Variants in PHTF2 observed in about 807,000 individuals in gnomAD.
PHTF2 encodes protein PHTF2.
PHTF2 carries 60 observed loss-of-function variants against 101.2 expected under a neutral mutation model. That is an observed-to-expected ratio of 0.59 (90% CI 0.48 to 0.73). The LOEUF (loss-of-function observed/expected upper bound fraction) is 0.73. Ranked by LOEUF, PHTF2 falls within the 30% of genes least tolerant of loss-of-function variation. PHTF2 has a pLI of 0.00. For missense variants in PHTF2, 747 were observed against 908.7 expected (o/e 0.82, Z 2.29); for synonymous variants, 311 against 307.3 (o/e 1.01, Z -0.13).
intron 1 of PHTF2, among the ~76,000 whole-genome samples, chr7:77,836,736 C>A (rs777965582): frequency 6.6e-6 from 1 of 151,492 alleles, no homozygotes; most frequent in Admixed American, 6.6e-5. Flanking sequence ...CCAAATGCTG[C>A]ATGTTCTCAC....
intron 2 of PHTF2, among the ~76,000 whole-genome samples, chr7:77,844,859 A>C (rs1045748570): frequency 6.6e-6 from 1 of 152,230 alleles, no homozygotes; most frequent in African/African-American, 2.4e-5. Flanking sequence ...TTATTTTGAC[A>C]TTTTAAAAGT....
At chr7:77,821,331 G>A (rs765207359) in intron 1 of PHTF2, among the ~76,000 whole-genome samples, 6 of 152,114 alleles carry the variant, frequency 3.9e-5, no homozygotes, top group Non-Finnish European at 8.8e-5. Context: ...TTTGGGTTGC[G>A]TCTATTTGAG....
Position 77,942,703 on chromosome 7 carries a change from C to T in PHTF2, c.1876C>T (p.Arg626Ter). Residue 626 changes from arginine (R) to a stop codon, truncating the protein, a stop_gained, in exon 16 of 20, where the codon CGA becomes TGA. Transcript: ENST00000416283. LOFTEE classifies it high-confidence loss of function. ...CCCTTCCACCCACACCCTGCAGCGTCGAGGTCCTCAGCGATCAGTTGATGT... is the reference window on the plus strand; with the variant it reads ...CCCTTCCACCCACACCCTGCAGCGTTGAGGTCCTCAGCGATCAGTTGATGT... The T allele has an allele frequency of 1.3e-6, 2 of 1,579,712 alleles. No homozygotes were observed. Among genetic ancestry groups the T allele is most frequent in the East Asian group, 2.3e-5 (1 of 44,334 alleles).
chr7:77,946,493 T>G (rs151301144), intron 16 of PHTF2, among the ~76,000 whole-genome samples: 1 of 152,084 alleles, frequency 6.6e-6, no homozygotes, highest in Non-Finnish European at 1.5e-5. Context: ...ATATGATTGT[T>G]TATATAGAAT....
At chr7:77,851,622 CAG>C (rs1796771645) in intron 2 of PHTF2, among the ~76,000 whole-genome samples, 1 of 141,286 alleles carries the variant, frequency 7.1e-6, no homozygotes, top group Non-Finnish European at 1.5e-5. Context: ...TTTTTGGAGA[CAG>C]ATCTCACTGT....
At chr7:77,846,895 A>G (rs1319473216) in intron 2 of PHTF2, among the ~76,000 whole-genome samples, 1 of 152,042 alleles carries the variant, frequency 6.6e-6, no homozygotes, top group Non-Finnish European at 1.5e-5. Context: ...CTTTTGCCTC[A>G]GCCTCCCAAA....
rs148730963 is a variant in PHTF2 at position 77,888,370 on chromosome 7, C to T, written c.148-5238C>T. ...ACCTCAAGTGATCTACCCACCTCTGCATCCCAAAGTGCTGGGATTACGGGC... is the reference window on the plus strand; with the variant it reads ...ACCTCAAGTGATCTACCCACCTCTGTATCCCAAAGTGCTGGGATTACGGGC... On this transcript the variant is annotated intron_variant, in intron 3 of 19. Coordinates refer to ENST00000416283, the Ensembl canonical transcript of PHTF2. Among the ~76,000 whole-genome samples, 10 of 152,322 alleles carry T rather than the reference C, an allele frequency of 6.6e-5. No homozygotes were observed. The East Asian group carries it at 1.9e-3, about 29-fold the overall frequency.
intron 3 of PHTF2, among the ~76,000 whole-genome samples, chr7:77,872,011 A>G (rs776332113): frequency 2.0e-5 from 3 of 152,200 alleles, no homozygotes; most frequent in Non-Finnish European, 2.9e-5. Flanking sequence ...GGTTCAATAT[A>G]ATCAATCTGC....
intron 2 of PHTF2, 36 bp downstream of exon 2, chr7:77,840,336 G>A: frequency 7.3e-7 from 1 of 1,365,222 alleles, no homozygotes; most frequent in Non-Finnish European, 1.0e-6. Flanking sequence ...CTTTCTAAAT[G>A]TTTGAATTTC....
At chr7:77,853,381 A>G (rs1029767090) in intron 2 of PHTF2, among the ~76,000 whole-genome samples, 3 of 149,074 alleles carry the variant, frequency 2.0e-5, no homozygotes, top group African/African-American at 4.9e-5. Context: ...ATGTCAGTTG[A>G]ATTTTTCAGC....
intron 1 of PHTF2, 126 bp from the exon 2 acceptor site, chr7:77,840,095 G>A: frequency 4.2e-6 from 2 of 470,722 alleles, no homozygotes; most frequent in Non-Finnish European, 7.7e-6. Context: ...GAGGAAGAGT[G>A]TAATATAAGT....
chr7:77,901,881 G>A (rs1403949847), exon 7 of PHTF2: 6 of 1,599,382 alleles, frequency 3.8e-6, no homozygotes, highest in Admixed American at 3.4e-5. Flanking sequence ...AACATCAAAG[G>A]TCATCTTTTT....
At chr7:77,829,939 G>A (rs1042564861) in intron 1 of PHTF2, among the ~76,000 whole-genome samples, 3 of 152,154 alleles carry the variant, frequency 2.0e-5, no homozygotes, top group African/African-American at 7.2e-5. Flanking sequence ...TTATGAAAAA[G>A]TATGTTTGTT....
intron 1 of PHTF2, among the ~76,000 whole-genome samples, chr7:77,827,615 G>A (rs754543561): frequency 6.6e-6 from 1 of 152,068 alleles, no homozygotes; most frequent in Non-Finnish European, 1.5e-5. Context: ...GACTCCCAGA[G>A]TGCTGGGATT....
chr7:77,836,820 G>GT (rs1795510159), intron 1 of PHTF2, among the ~76,000 whole-genome samples: 1 of 151,808 alleles, frequency 6.6e-6, no homozygotes, highest in Admixed American at 6.6e-5. Flanking sequence ...GCCGGTCGGG[G>GT]TGGGGGGCTT....
chr7:77,863,175 G>T (rs550009023), intron 3 of PHTF2, among the ~76,000 whole-genome samples: 2 of 152,248 alleles, frequency 1.3e-5, no homozygotes, highest in East Asian at 3.9e-4. Flanking sequence ...TCTGTTTTTG[G>T]TGTCTTTTTC....
intron 3 of PHTF2, among the ~76,000 whole-genome samples, chr7:77,878,583 G>C (rs1300925960): frequency 6.6e-6 from 1 of 152,282 alleles, no homozygotes; most frequent in East Asian, 1.9e-4. Flanking sequence ...GGAGGCTGTA[G>C]TTTTGGGAAG....
intron 3 of PHTF2, among the ~76,000 whole-genome samples, chr7:77,887,572 A>C (rs765665205): frequency 7.9e-5 from 12 of 152,226 alleles, no homozygotes; most frequent in Non-Finnish European, 1.6e-4. Flanking sequence ...ACATTCTTCC[A>C]GGAATGGTGA....
intron 7 of PHTF2, among the ~76,000 whole-genome samples, chr7:77,906,892 A>G (rs1358053795): frequency 6.7e-6 from 1 of 149,410 alleles, no homozygotes; most frequent in Non-Finnish European, 1.5e-5. Flanking sequence ...TGGGCAGCAG[A>G]GCGAGACTCC....
Sources: allele counts gnomAD v4.1 joint callset (sites outside exome capture counted in the v4.1 genomes callset), GRCh38; gene constraint gnomAD v4.1.1; transcripts MANE v1.5; gene names NCBI Gene and HGNC (gene_info 2026-07-23, HGNC 2026-07-21).